The following CACNB2 variants were observed in gnomAD, a reference collection of about 807,000 sequenced individuals.
CACNB2 encodes the protein calcium voltage-gated channel auxiliary subunit beta 2.
Under a neutral mutation model 73.3 loss-of-function variants are expected in CACNB2, and 42 were observed. The observed-to-expected ratio is 0.57, with a 90% CI of 0.45 to 0.74. The LOEUF is 0.74. Ranked by LOEUF, CACNB2 falls within the 30% of genes least tolerant of loss-of-function variation. CACNB2 has a pLI of 0.00. For missense variants in CACNB2, 940 were observed against 853.0 expected (o/e 1.10, Z -1.27); for synonymous variants, 348 against 310.3 (o/e 1.12, Z -1.28).
At chr10:18,359,757 C>T (rs144740047) in intron 2 of CACNB2, among the ~76,000 whole-genome samples, 260 of 152,052 alleles carry the variant, frequency 1.7e-3, no homozygotes, top group Non-Finnish European at 2.9e-3. Context: ...TCCTCTAGCC[C>T]CCCACCCCCC....
At chr10:18,339,235 A>T (rs998059407) in intron 2 of CACNB2, among the ~76,000 whole-genome samples, 3 of 152,084 alleles carry the variant, frequency 2.0e-5, no homozygotes, top group African/African-American at 7.2e-5. Flanking sequence ...TACTCCCACC[A>T]ACAGGCTGGG....
intron 2 of CACNB2, among the ~76,000 whole-genome samples, chr10:18,315,919 C>T (rs1273162090): frequency 2.0e-5 from 3 of 152,098 alleles, no homozygotes; most frequent in Non-Finnish European, 2.9e-5. Context: ...CCATCATAGA[C>T]GTAATGAACT....
intron 2 of CACNB2, among the ~76,000 whole-genome samples, chr10:18,169,596 A>T (rs1225048304): frequency 6.6e-6 from 1 of 152,206 alleles, no homozygotes; most frequent in Non-Finnish European, 1.5e-5. Flanking sequence ...ATTCACTTTT[A>T]GGCTTTTGAC....
intron 2 of CACNB2, among the ~76,000 whole-genome samples, chr10:18,353,193 C>G (rs2041780535): frequency 6.6e-6 from 1 of 152,080 alleles, no homozygotes; most frequent in Admixed American, 6.6e-5. Context: ...AGGTGGATCA[C>G]AAGGTCAGGA....
chr10:18,212,958 A>G (rs1247211255), intron 2 of CACNB2, among the ~76,000 whole-genome samples: 3 of 152,198 alleles, frequency 2.0e-5, no homozygotes. Flanking sequence ...TTTGCCTTTG[A>G]GCACTGGTTT....
In CACNB2 at chr10:18,533,676, G is replaced by A. The variant is rs1352007260; in HGVS notation, c.1055-400G>A. Among the ~76,000 whole-genome samples the A allele has an allele frequency of 3.7e-4, 56 of 152,326 alleles. 2 individuals are homozygous for A. Among genetic ancestry groups the A allele is most frequent in the Admixed American group, 3.6e-3 (55 of 15,286 alleles). On this transcript the variant is annotated intron_variant, in intron 10 of 13. Transcript: ENST00000324631. ...GTAAACATAGATCAGCCCGTGCACT[G>A]AAAGGAAAACCTGTCATGGTTGCTA... is the stretch of plus-strand genomic sequence containing the variant.
chr10:18,205,368 G>A (rs1412631703), intron 2 of CACNB2, among the ~76,000 whole-genome samples: 2 of 152,160 alleles, frequency 1.3e-5, no homozygotes, highest in Non-Finnish European at 2.9e-5. Flanking sequence ...GCAGCAATTA[G>A]CCCAGCGAGC....
intron 2 of CACNB2, among the ~76,000 whole-genome samples, chr10:18,364,244 G>A (rs1429676431): frequency 6.7e-6 from 1 of 149,052 alleles, no homozygotes; most frequent in East Asian, 2.0e-4. Context: ...ATGAGCCGCG[G>A]TGCCTGCCTT....
At chr10:18,211,528 T>C (rs1004392488) in intron 2 of CACNB2, among the ~76,000 whole-genome samples, 5 of 152,222 alleles carry the variant, frequency 3.3e-5, no homozygotes, top group African/African-American at 1.2e-4. Context: ...CACTCTTTCC[T>C]ACTTGCAGAC....
At chr10:18,490,384 C>A (rs535926263) in intron 3 of CACNB2, among the ~76,000 whole-genome samples, 1 of 152,102 alleles carries the variant, frequency 6.6e-6, no homozygotes, top group Non-Finnish European at 1.5e-5. Flanking sequence ...TACGTCATGT[C>A]GAAAGTACCA....
intron 2 of CACNB2, among the ~76,000 whole-genome samples, chr10:18,294,439 A>G (rs555530937): frequency 1.3e-5 from 2 of 152,340 alleles, no homozygotes; most frequent in Non-Finnish European, 2.9e-5. Flanking sequence ...TCCTCTAGGT[A>G]CCGAGGACGC....
chr10:18,213,113 C>T (rs1039460377), intron 2 of CACNB2, among the ~76,000 whole-genome samples: 13 of 152,212 alleles, frequency 8.5e-5, no homozygotes, highest in South Asian at 6.2e-4. Flanking sequence ...ATTTCTGGTT[C>T]GTGCACCTGT....
At chr10:18,290,112 C>CTTTTTTTTTTTTTTTTTTT (rs992393946) in intron 2 of CACNB2, among the ~76,000 whole-genome samples, 5 of 50,134 alleles carry the variant, frequency 1.0e-4, no homozygotes, top group Non-Finnish European at 1.9e-4. Context: ...TTTTCTTTTT[C>CTTTTTTTTTTTTTTTTTTT]TTTTTTTTTT....
chr10:18,348,974 A>G (rs1403578305), intron 2 of CACNB2, among the ~76,000 whole-genome samples: 3 of 152,202 alleles, frequency 2.0e-5, no homozygotes, highest in Non-Finnish European at 4.4e-5. Flanking sequence ...TTTAAAAATC[A>G]GCCACATGTG....
At chr10:18,159,382 C>T (rs2032291030) in intron 2 of CACNB2, among the ~76,000 whole-genome samples, 1 of 152,182 alleles carries the variant, frequency 6.6e-6, no homozygotes, top group Non-Finnish European at 1.5e-5. Context: ...TTGGGATTTT[C>T]AAGCGCCATT....
chr10:18,173,423 T>C (rs76912527), intron 2 of CACNB2, among the ~76,000 whole-genome samples: 29 of 152,334 alleles, frequency 1.9e-4, no homozygotes, highest in African/African-American at 7.0e-4. Context: ...ATGGTACTAA[T>C]AAAACATCCA....
At chr10:18,248,479 T>G (rs1478358841) in intron 2 of CACNB2, among the ~76,000 whole-genome samples, 1 of 152,216 alleles carries the variant, frequency 6.6e-6, no homozygotes, top group East Asian at 1.9e-4. Context: ...TGAGAAGAAC[T>G]TTTTCTGTTG....
At chr10:18,464,619 A>T (rs1005824399) in intron 3 of CACNB2, among the ~76,000 whole-genome samples, 2 of 152,008 alleles carry the variant, frequency 1.3e-5, no homozygotes, top group African/African-American at 4.8e-5. Context: ...GGCCCTAGCC[A>T]TCAATAAGCC....
chr10:18,380,724 G>A (rs2042982123), intron 2 of CACNB2, among the ~76,000 whole-genome samples: 1 of 151,730 alleles, frequency 6.6e-6, no homozygotes, highest in Admixed American at 6.6e-5. Context: ...CAAAGTGATG[G>A]GGTTATAAGA....
Sources: allele counts gnomAD v4.1 joint callset (sites outside exome capture counted in the v4.1 genomes callset), GRCh38; gene constraint gnomAD v4.1.1; transcripts MANE v1.5; gene names NCBI Gene and HGNC (gene_info 2026-07-23, HGNC 2026-07-21).